The following TSHZ1 variants were observed in gnomAD, a reference collection of about 807,000 sequenced individuals.
TSHZ1 encodes the protein teashirt zinc finger homeobox 1, also known as teashirt homolog 1.
TSHZ1 carries 12 observed loss-of-function variants against 67.1 expected under a neutral mutation model. That is an observed-to-expected ratio of 0.18 (90% confidence interval 0.11 to 0.29). TSHZ1 has a LOEUF of 0.29. TSHZ1 is among the 10% of genes least tolerant of loss of function. The pLI is 1.00. For synonymous variants in TSHZ1, 632 were observed against 622.4 expected, an observed-to-expected ratio of 1.02 and a Z score of -0.23; for missense variants, 1,305 against 1,413.9, an observed-to-expected ratio of 0.92 and a Z score of 1.23.
intron 1 of TSHZ1, among the ~76,000 whole-genome samples, chr18:75,261,398 A>G (rs2023429020): frequency 6.6e-6 from 1 of 152,244 alleles, no homozygotes; most frequent in Admixed American, 6.5e-5. Context: ...AAAGAATGTC[A>G]GGAGTCTTGT....
chr18:75,253,255 G>A (rs2023325207), intron 1 of TSHZ1, among the ~76,000 whole-genome samples: 1 of 152,170 alleles, frequency 6.6e-6, no homozygotes, highest in Admixed American at 6.5e-5. Flanking sequence ...GTTTGTATTA[G>A]CAGATGCTGT....
chr18:75,284,205 T>C (rs1190775856), intron 1 of TSHZ1: 1 of 152,592 alleles, frequency 6.6e-6, no homozygotes, highest in Non-Finnish European at 1.5e-5. Context: ...ATCTGACATG[T>C]CCTGCAGTCA....
chr18:75,230,996 A>G (rs1186307565), intron 1 of TSHZ1, among the ~76,000 whole-genome samples: 1 of 152,186 alleles, frequency 6.6e-6, no homozygotes, highest in African/African-American at 2.4e-5. Flanking sequence ...CCTTGTGGGG[A>G]AAAACCAAAT....
chr18:75,253,056 G>T (rs2023323279), intron 1 of TSHZ1, among the ~76,000 whole-genome samples: 1 of 152,076 alleles, frequency 6.6e-6, no homozygotes, highest in African/African-American at 2.4e-5. Flanking sequence ...AACAACTTTG[G>T]TATATTTTCA....
At chr18:75,275,434 G>A (rs2122601808) in intron 1 of TSHZ1, among the ~76,000 whole-genome samples, 1 of 152,316 alleles carries the variant, frequency 6.6e-6, no homozygotes, top group Admixed American at 6.5e-5. Flanking sequence ...TGTAGTTCTT[G>A]GTGATGGCTG....
At chr18:75,265,906 C>T (rs766486) in intron 1 of TSHZ1, among the ~76,000 whole-genome samples, 1,930 of 152,242 alleles carry the variant, frequency 0.013, 14 homozygotes, top group South Asian at 0.022. Flanking sequence ...AACAATACAC[C>T]GTCTTTTTTC....
chr18:75,231,769 G>A (rs1012756110), intron 1 of TSHZ1, among the ~76,000 whole-genome samples: 26 of 152,060 alleles, frequency 1.7e-4, no homozygotes, highest in African/African-American at 5.6e-4. Context: ...TCCTGACTTG[G>A]GTGATCCTCC....
intron 1 of TSHZ1, among the ~76,000 whole-genome samples, chr18:75,244,088 G>C (rs976161947): frequency 2.6e-5 from 4 of 152,146 alleles, no homozygotes; most frequent in African/African-American, 7.2e-5. Context: ...TAGCTAGATC[G>C]GAGCAGGAAG....
chr18:75,245,343 T>C (rs1423009117), intron 1 of TSHZ1: 1 of 152,230 alleles, frequency 6.6e-6, no homozygotes, highest in Non-Finnish European at 1.5e-5. Context: ...GCTTGGACTT[T>C]GCAGGCATAC....
chr18:75,287,143 T>A lies in TSHZ1; in HGVS notation c.1736T>A (p.Ile579Asn). ...CCCTCATGGGGTGGCTACCCCAGCA[T>A]CCATGCAGCCTACCAGCTCCCGGGC... ...GAPSWGGYPSIHAAYQLPGTV... is the reference protein window; with the variant it reads ...GAPSWGGYPSNHAAYQLPGTV... Residue 579 changes from isoleucine (I) to asparagine (N), a missense_variant, in exon 2 of 2, where the codon ATC (isoleucine) becomes AAC (asparagine). This residue lies in a region of TSHZ1 where 909 missense variants were observed against 961.8 expected (regional missense o/e 0.95). Transcript: ENST00000580243. The surrounding 1 kb of genome is among the most constrained non-coding windows in gnomAD (Gnocchi z 5.0). 3 of 1,614,026 alleles carry A rather than the reference T, an allele frequency of 1.9e-6. No individual in the cohort carries two copies. The highest frequency in any genetic ancestry group is 2.5e-6 in the Non-Finnish European group (3 of 1,179,990).
At chr18:75,225,233 G>A in intron 1 of TSHZ1, among the ~76,000 whole-genome samples, 1 of 152,146 alleles carries the variant, frequency 6.6e-6, no homozygotes, top group Non-Finnish European at 1.5e-5. Flanking sequence ...ATGCTTCCTC[G>A]GTTCTGGGCA....
rs151040654 is a variant in TSHZ1 at position 75,288,471 on chromosome 18, A to G, written c.3064A>G (p.Thr1022Ala). The change falls in exon 2 of 2, where the codon ACT (threonine) becomes GCT (alanine). Residue 1022 changes from threonine (T) to alanine (A), a missense_variant. By Grantham distance (58) the Thr-to-Ala change is moderately conservative (BLOSUM62 0). Around this residue, in one of 3 missense-constraint regions of TSHZ1, gnomAD observed 909 missense variants for 961.8 expected, o/e 0.95. Coordinates refer to ENST00000580243, the MANE Select transcript of TSHZ1 (RefSeq NM_001308210.2). The surrounding 1 kb of genome is among the most constrained non-coding windows in gnomAD (Gnocchi z 4.9). ...QNVSKVLTNK[T>A]LGPLGATEED... is the part of the protein sequence containing the mutation. The stretch of plus-strand genomic sequence containing the variant: ...TGTTTCGAAAGTCCTCACCAACAAA[A>G]CTCTGGGCCCACTGGGGGCCACCGA... 437 of 1,613,908 alleles carry G rather than the reference A, an allele frequency of 2.7e-4. No individual in the cohort carries two copies. Among genetic ancestry groups the G allele is most frequent in the Non-Finnish European group, 3.6e-4 (429 of 1,180,008 alleles).
At chr18:75,245,647 A>G (rs1337673244) in intron 1 of TSHZ1, among the ~76,000 whole-genome samples, 3 of 152,038 alleles carry the variant, frequency 2.0e-5, no homozygotes, top group Middle Eastern at 6.3e-3. Flanking sequence ...TATTTTAGCA[A>G]ATTTACCCCT....
At chr18:75,262,310 T>G (rs1232795963) in intron 1 of TSHZ1, among the ~76,000 whole-genome samples, 3 of 152,168 alleles carry the variant, frequency 2.0e-5, no homozygotes, top group Non-Finnish European at 4.4e-5. Context: ...GCAGGAATGA[T>G]GAAGTAAGGT....
At chr18:75,236,926 C>A (rs553213795) in intron 1 of TSHZ1, among the ~76,000 whole-genome samples, 5 of 152,300 alleles carry the variant, frequency 3.3e-5, no homozygotes, top group Admixed American at 6.5e-5. Context: ...GACTCCTTGA[C>A]CTCTCAAACC....
Position 75,288,803 on chromosome 18 carries a change from C to A in TSHZ1, c.*162C>A, listed in dbSNP as rs187178246. 2.5e-6 allele frequency: 3 copies of A among 1,182,698 alleles called. No homozygotes were observed. Among genetic ancestry groups the A allele is most frequent in the Non-Finnish European group, 2.3e-6 (2 of 875,832 alleles). The allele number at this position is 1,182,698 out of a possible 1,614,324, so 73.3% of individuals were successfully genotyped here. Reference sequence around the variant, plus strand: ...TTTGTATATTTATATGCTCTCTGTCCGATCTGTGCATGTTATTTTTCTTTT... The same window carrying A: ...TTTGTATATTTATATGCTCTCTGTCAGATCTGTGCATGTTATTTTTCTTTT... On this transcript the variant is annotated 3_prime_UTR_variant, in exon 2 of 2. Coordinates refer to ENST00000580243, the MANE Select transcript of TSHZ1 (RefSeq NM_001308210.2). The surrounding 1 kb of genome is among the most constrained non-coding windows in gnomAD (Gnocchi z 4.9).
chr18:75,265,688 A>G (rs1270396434), intron 1 of TSHZ1, among the ~76,000 whole-genome samples: 1 of 152,210 alleles, frequency 6.6e-6, no homozygotes, highest in Non-Finnish European at 1.5e-5. Context: ...TGAAACATCC[A>G]GTGGATAAAT....
chr18:75,236,098 G>C (rs1226098803), intron 1 of TSHZ1, among the ~76,000 whole-genome samples: 1 of 152,180 alleles, frequency 6.6e-6, no homozygotes, highest in Admixed American at 6.5e-5. Flanking sequence ...TGCATGATAG[G>C]AAGTGTGCGT....
rs548721417 is a variant in TSHZ1 at position 75,210,903 on chromosome 18, G to T, written c.-974G>T. On this transcript the variant is annotated 5_prime_UTR_variant, in exon 1 of 2. Transcript: ENST00000580243. ...CTCTCTCCCAGGAGTTTGAGGGGGG[G>T]GGGGACAGTCCACGCTCATCTCGCC... The T allele has an allele frequency of 1.3e-5, 2 of 150,930 alleles. No individual in the cohort carries two copies. The highest frequency in any genetic ancestry group is 3.0e-5 in the Non-Finnish European group (2 of 67,748). The allele number at this position is 150,930 out of a possible 1,614,324, so 9.3% of individuals were successfully genotyped here. A position where few individuals can be genotyped will look rare whatever the true frequency, so the allele number is the denominator to read the frequency against.
Sources: allele counts gnomAD v4.1 joint callset (sites outside exome capture counted in the v4.1 genomes callset), GRCh38; gene constraint gnomAD v4.1.1; regional missense constraint gnomAD v4.1.1; non-coding constraint Gnocchi (gnomAD v3.1); transcripts MANE v1.5; gene names NCBI Gene and HGNC (gene_info 2026-07-23, HGNC 2026-07-21).